Variants in CYP2B6 observed in about 807,000 individuals in gnomAD.
The protein encoded by CYP2B6 is cytochrome P450 family 2 subfamily B member 6.
CYP2B6 carries 35 observed loss-of-function variants against 43.4 expected under a neutral mutation model. That is an observed-to-expected ratio of 0.81 (90% CI 0.62 to 1.07). CYP2B6 has a LOEUF of 1.07. Ranked by LOEUF, CYP2B6 falls within the 50% of genes least tolerant of loss-of-function variation. The pLI, the probability that CYP2B6 is intolerant of heterozygous loss-of-function variation, is 0.00. For missense variants in CYP2B6, 624 were observed against 632.8 expected, an observed-to-expected ratio of 0.99 and a Z score of 0.15; for synonymous variants, 239 against 239.2, an observed-to-expected ratio of 1.00 and a Z score of 0.01.
chr19:40,993,990 C>A (rs1302084344), intron 1 of CYP2B6, among the ~76,000 whole-genome samples: 1 of 152,018 alleles, frequency 6.6e-6, no homozygotes, highest in Non-Finnish European at 1.5e-5. Flanking sequence ...ATCTGAACTC[C>A]TTGGAGGTTC....
In CYP2B6 at chr19:41,006,945, C is replaced by A. The variant is rs139253352; in HGVS notation, c.525C>A (p.Thr175=). Residue 175 remains threonine (T), a synonymous_variant, in exon 4 of 9, where the codon ACC becomes ACA. Coordinates refer to ENST00000324071, the MANE Select transcript of CYP2B6 (RefSeq NM_000767.5). ...CCACCTTCCTCTTCCAGTCCATTAC[C>A]GCCAACATCATCTGCTCCATCGTCT... ...MDPTFLFQSI[T]ANIICSIVFG... The A allele has an allele frequency of 6.2e-7, 1 of 1,613,836 alleles. No individual in the cohort carries two copies. The highest frequency in any genetic ancestry group is 1.1e-5 in the South Asian group (1 of 91,072).
rs1969373833 is a variant in CYP2B6 at position 41,016,723 on chromosome 19, T to C, written c.1372T>C (p.Ser458Pro). The change falls in exon 9 of 9, where the codon TCC becomes CCC. Residue 458 changes from serine to proline, a missense_variant. Physicochemically the swap from Ser to Pro is moderately conservative, Grantham distance 74. Transcript: ENST00000324071. ...LFFTTILQNF[S>P]MASPVAPEDI... Reference sequence around the variant, plus strand: ...CTTCACCACCATCCTCCAGAACTTCTCCATGGCCAGCCCCGTGGCCCCAGA... The same window carrying C: ...CTTCACCACCATCCTCCAGAACTTCCCCATGGCCAGCCCCGTGGCCCCAGA... 1 of 1,614,188 alleles carries C rather than the reference T, an allele frequency of 6.2e-7. No homozygotes were observed. Among genetic ancestry groups the C allele is most frequent in the Non-Finnish European group, 8.5e-7 (1 of 1,180,018 alleles).
At chr19:41,016,433 A>AGAGAGAG (rs58178502) in intron 8 of CYP2B6, among the ~76,000 whole-genome samples, 2 of 99,000 alleles carry the variant, frequency 2.0e-5, no homozygotes, top group African/African-American at 8.3e-5. Context: ...AAAAAAAAAA[A>AGAGAGAG]AGAGAGAGAG....
Position 41,007,082 on chromosome 19 carries a change from G to A in CYP2B6, c.645+17G>A. ...TTCGGCCAGGTCAGGGAGACGGAGA[G>A]GGACAGGGGGTGTGGGGGTGAGGTG... On this transcript the variant is annotated intron_variant, in intron 4 of 8. Coordinates refer to ENST00000324071, the MANE Select transcript of CYP2B6 (RefSeq NM_000767.5). 1.2e-6 allele frequency: 2 copies of A among 1,613,882 alleles called. No individual in the cohort carries two copies. Among genetic ancestry groups the A allele is most frequent in the Non-Finnish European group, 1.7e-6 (2 of 1,179,850 alleles).
chr19:41,000,720 G>T (rs1969070135), intron 1 of CYP2B6, among the ~76,000 whole-genome samples: 1 of 152,084 alleles, frequency 6.6e-6, no homozygotes, highest in South Asian at 2.1e-4. Flanking sequence ...CTGTGGACAA[G>T]ATGAGGTGCT....
intron 1 of CYP2B6, among the ~76,000 whole-genome samples, chr19:40,999,896 G>T (rs1270918615): frequency 6.6e-6 from 1 of 152,022 alleles, no homozygotes; most frequent in South Asian, 2.1e-4. Context: ...GTCTCACTAT[G>T]TTGCCTAGGC....
rs34116594 is a variant in CYP2B6 at position 41,012,968 on chromosome 19, A to G, written c.1294+153A>G. ...CCCATTCCATCTTCACTACAACCCTATAAGGAGGCTTGAGAAAGAAGATTA... is the reference window on the plus strand; with the variant it reads ...CCCATTCCATCTTCACTACAACCCTGTAAGGAGGCTTGAGAAAGAAGATTA... On this transcript the variant is annotated intron_variant, in intron 8 of 8. Transcript: ENST00000324071. The G allele has an allele frequency of 6.1e-3, 5,511 of 899,530 alleles. 23 individuals carry two copies. The highest frequency in any genetic ancestry group is 6.2e-3 in the Non-Finnish European group (3,471 of 556,012). The allele number at this position is 899,530 out of a possible 1,614,324, so 55.7% of individuals were successfully genotyped here.
chr19:41,003,790 G>A (rs186413120), intron 1 of CYP2B6, among the ~76,000 whole-genome samples: 205 of 152,242 alleles, frequency 1.3e-3, no homozygotes, highest in African/African-American at 4.6e-3. Context: ...AACCAGAAAC[G>A]GAAACTAAGA....
intron 1 of CYP2B6, among the ~76,000 whole-genome samples, chr19:40,992,271 G>T (rs1968931925): frequency 6.6e-6 from 1 of 150,898 alleles, no homozygotes. Flanking sequence ...GAGAGCTTTA[G>T]GTCAAATTTA....
chr19:40,993,297 A>G (rs1968949672), intron 1 of CYP2B6, among the ~76,000 whole-genome samples: 1 of 152,104 alleles, frequency 6.6e-6, no homozygotes, highest in South Asian at 2.1e-4. Flanking sequence ...CATACCTGAG[A>G]CTGGGTAATT....
chr19:41,004,165 T>C lies in CYP2B6; in HGVS notation c.334+2T>C, dbSNP rs373926269. On this transcript the variant is annotated splice_donor_variant, in intron 2 of 8. Coordinates refer to ENST00000324071, the MANE Select transcript of CYP2B6 (RefSeq NM_000767.5). LOFTEE classifies it high-confidence loss of function. ...TCGACCCATTCTTCCGGGGATATGGTGAGAGCCTCAGAGGCACTGGGAGGG... is the reference window on the plus strand; with the variant it reads ...TCGACCCATTCTTCCGGGGATATGGCGAGAGCCTCAGAGGCACTGGGAGGG... The C allele has an allele frequency of 1.8e-5, 26 of 1,473,458 alleles. No individual in the cohort carries two copies. In the African/African-American group the frequency reaches 4.4e-4, roughly 25 times the overall value. The allele number at this position is 1,473,458 out of a possible 1,614,324, so 91.3% of individuals were successfully genotyped here.
chr19:41,013,446 T>A (rs1969315423), intron 8 of CYP2B6, among the ~76,000 whole-genome samples: 1 of 152,190 alleles, frequency 6.6e-6, no homozygotes, highest in Non-Finnish European at 1.5e-5. Flanking sequence ...GCTAACATGT[T>A]CATGGGTGAG....
intron 1 of CYP2B6, among the ~76,000 whole-genome samples, chr19:41,000,080 G>A (rs1282642009): frequency 6.6e-6 from 1 of 152,110 alleles, no homozygotes; most frequent in Non-Finnish European, 1.5e-5. Context: ...ATTGTTATTT[G>A]AGGATGTGGG....
intron 1 of CYP2B6, among the ~76,000 whole-genome samples, chr19:40,994,325 C>T (rs537719983): frequency 7.2e-5 from 11 of 152,110 alleles, no homozygotes; most frequent in Non-Finnish European, 1.2e-4. Flanking sequence ...GGTAGGCACT[C>T]GTGGTGTTGG....
chr19:41,008,580 C>A lies in CYP2B6; in HGVS notation c.646-639C>A, dbSNP rs35392384. ...AGGTGAGTACTTGTAACAAGCCCGA[C>A]CAGTAATTCTAATGTTCTCCTCCCA... On this transcript the variant is annotated intron_variant, in intron 4 of 8. Transcript: ENST00000324071. Among the ~76,000 whole-genome samples, 186 of 149,288 alleles carry A rather than the reference C, an allele frequency of 1.2e-3. 1 individual carries two copies. The highest frequency in any genetic ancestry group is 4.4e-3 in the African/African-American group (176 of 40,050).
At chr19:41,006,465 A>G (rs1969188671) in intron 3 of CYP2B6, among the ~76,000 whole-genome samples, 1 of 150,720 alleles carries the variant, frequency 6.6e-6, no homozygotes, top group Admixed American at 6.7e-5. Flanking sequence ...GGGCTTTTTA[A>G]TTTATATAAG....
At chr19:41,006,494 C>T (rs1969189267) in intron 3 of CYP2B6, among the ~76,000 whole-genome samples, 1 of 151,916 alleles carries the variant, frequency 6.6e-6, no homozygotes, top group Non-Finnish European at 1.5e-5. Flanking sequence ...TGAACACCTA[C>T]TCTGCCCAGC....
At chr19:41,015,999 T>TAC (rs113314890) in intron 8 of CYP2B6, among the ~76,000 whole-genome samples, 538 of 149,904 alleles carry the variant, frequency 3.6e-3, no homozygotes, top group East Asian at 0.014. Flanking sequence ...CATGTACAGG[T>TAC]ACACACACAC....
At chr19:41,002,047 A>G (rs911746442) in intron 1 of CYP2B6, among the ~76,000 whole-genome samples, 4 of 152,116 alleles carry the variant, frequency 2.6e-5, no homozygotes, top group African/African-American at 9.7e-5. Context: ...AGAGAACAAC[A>G]TGGAGGAATG....
Sources: allele counts gnomAD v4.1 joint callset (sites outside exome capture counted in the v4.1 genomes callset), GRCh38; gene constraint gnomAD v4.1.1; transcripts MANE v1.5; gene names NCBI Gene and HGNC (gene_info 2026-07-23, HGNC 2026-07-21).